Variants in ANK3 observed in about 807,000 individuals in gnomAD.
ANK3 encodes the protein ankyrin-3.
ANK3 carries 57 observed loss-of-function variants against 370.9 expected under a neutral mutation model. That is an observed-to-expected ratio of 0.15 (90% CI 0.12 to 0.19). The LOEUF (loss-of-function observed/expected upper bound fraction) is 0.19, where lower values mean the gene tolerates loss of function less well. Ranked by LOEUF, ANK3 falls within the 10% of genes least tolerant of loss-of-function variation. ANK3 has a pLI of 1.00. For synonymous variants in ANK3, 1,929 were observed against 1,946.3 expected, an observed-to-expected ratio of 0.99 and a Z score of 0.23; for missense variants, 4,439 against 5,302.1, an observed-to-expected ratio of 0.84 and a Z score of 5.06.
chr10:60,279,794 G>T (rs914294756), intron 1 of ANK3, among the ~76,000 whole-genome samples, 155 bp from the exon 2 acceptor site: 2 of 152,048 alleles, frequency 1.3e-5, no homozygotes, highest in African/African-American at 2.4e-5. Context: ...ACCAAGAAAA[G>T]GACACATTTT....
chr10:60,212,801 G>A (rs907871646), intron 9 of ANK3, among the ~76,000 whole-genome samples: 1 of 152,024 alleles, frequency 6.6e-6, no homozygotes, highest in African/African-American at 2.4e-5. Flanking sequence ...GTGACAATGA[G>A]GTGGTTTACA....
At chr10:60,655,007 C>A (rs2078844073) in intron 1 of ANK3, among the ~76,000 whole-genome samples, 2 of 152,230 alleles carry the variant, frequency 1.3e-5, no homozygotes, top group East Asian at 1.9e-4. Context: ...TAGTGCAACA[C>A]CTTACTCACA....
At chr10:60,202,006 T>G (rs1298929425) in intron 12 of ANK3, among the ~76,000 whole-genome samples, 1 of 152,066 alleles carries the variant, frequency 6.6e-6, no homozygotes, top group Non-Finnish European at 1.5e-5. Context: ...TGAGCCACCA[T>G]GCCCTGCTAA....
chr10:60,712,880 T>C (rs1186336304), intron 1 of ANK3, among the ~76,000 whole-genome samples: 3 of 152,190 alleles, frequency 2.0e-5, no homozygotes, highest in Admixed American at 6.5e-5. Flanking sequence ...CATTATATAA[T>C]GATAAAAAGA....
intron 2 of ANK3, among the ~76,000 whole-genome samples, chr10:60,396,187 T>C (rs2063235407): frequency 1.3e-5 from 2 of 152,190 alleles, no homozygotes; most frequent in Admixed American, 6.5e-5. Context: ...TAATTTTAGA[T>C]AGTAACAAGT....
intron 1 of ANK3, among the ~76,000 whole-genome samples, chr10:60,674,233 C>T (rs1262369602): frequency 1.3e-5 from 2 of 151,722 alleles, no homozygotes; most frequent in Admixed American, 6.6e-5. Context: ...ATAAATGTGT[C>T]GTATTAGTCT....
At position 60,073,606 on chromosome 10, in the gene ANK3, A is replaced by G; in HGVS notation, c.7275T>C (p.Ser2425=). ...AGTCATCAGATATGAGTTGAGCAGA[A>G]CTAGGGCGGCTATCTTCTTCTTGGG... is the stretch of plus-strand genomic sequence containing the variant. ...PVSQEEDSRP[S]SAQLISDDSY... The change falls in exon 37 of 44, where the codon AGT becomes AGC. Residue 2425 remains serine (S), a synonymous_variant. Transcript: ENST00000280772. 1.2e-6 allele frequency: 2 copies of G among 1,614,020 alleles called. No homozygotes were observed. The highest frequency in any genetic ancestry group is 1.7e-6 in the Non-Finnish European group (2 of 1,179,988).
intron 25 of ANK3, among the ~76,000 whole-genome samples, chr10:60,116,842 A>G (rs4948390): frequency 0.69 from 104,988 of 151,698 alleles, 37,035 homozygotes; most frequent in East Asian, 0.94. Context: ...TTCCAGAGCC[A>G]AAGACAGAGG....
At chr10:60,654,970 G>C (rs1014059767) in intron 1 of ANK3, among the ~76,000 whole-genome samples, 3 of 151,968 alleles carry the variant, frequency 2.0e-5, no homozygotes, top group Non-Finnish European at 4.4e-5. Context: ...CCTATATCCT[G>C]GTGACATCAT....
chr10:60,260,969 T>C (rs776171313), intron 7 of ANK3, among the ~76,000 whole-genome samples: 1 of 152,234 alleles, frequency 6.6e-6, no homozygotes, highest in Non-Finnish European at 1.5e-5. Context: ...CTGCTGTTAG[T>C]GATGATACTA....
At chr10:60,411,763 A>C (rs575729282) in intron 2 of ANK3, among the ~76,000 whole-genome samples, 3 of 152,356 alleles carry the variant, frequency 2.0e-5, no homozygotes, top group African/African-American at 7.2e-5. Context: ...CCTGTGCCTC[A>C]GTTTCCACAT....
intron 14 of ANK3, 82 bp from the exon 15 acceptor site, chr10:60,196,707 A>C: frequency 1.2e-6 from 1 of 855,340 alleles, no homozygotes; most frequent in Non-Finnish European, 1.8e-6. Context: ...CAAACAACAA[A>C]CAAACAAAAA....
chr10:60,084,774 A>G lies in ANK3; in HGVS notation c.3902T>C (p.Leu1301Pro), dbSNP rs758763291. The G allele has an allele frequency of 1.9e-6, 3 of 1,598,288 alleles. 1 individual carries two copies. The highest frequency in any genetic ancestry group is 2.6e-6 in the Non-Finnish European group (3 of 1,173,730). ...TGGAACACATATCAATTCTCTGTAC[A>G]GTTGCGTGGCTAACCCCACAGTTTC... Reference protein sequence around the residue: ...VLETVGLATQLYRELICVPYM... With the variant: ...VLETVGLATQPYRELICVPYM... Residue 1301 changes from leucine to proline, a missense_variant, in exon 32 of 44, where the codon CTG (leucine) becomes CCG (proline). Transcript: ENST00000280772.
chr10:60,710,802 C>A (rs2079693860), intron 1 of ANK3, among the ~76,000 whole-genome samples: 1 of 152,198 alleles, frequency 6.6e-6, no homozygotes, highest in Non-Finnish European at 1.5e-5. Context: ...GGCCAGAGAG[C>A]CACTGGTGCA....
intron 2 of ANK3, among the ~76,000 whole-genome samples, chr10:60,437,402 G>C (rs2064185319): frequency 6.6e-6 from 1 of 152,226 alleles, no homozygotes; most frequent in South Asian, 2.1e-4. Context: ...CCTTTAGCAT[G>C]TCCTTAACTC....
At chr10:60,154,230 G>A (rs2095253654) in intron 23 of ANK3, among the ~76,000 whole-genome samples, 1 of 152,324 alleles carries the variant, frequency 6.6e-6, no homozygotes, top group Middle Eastern at 3.4e-3. Context: ...TTCTGAAGCT[G>A]CTAAGAACAG....
At chr10:60,096,649 G>A (rs1352942048) in intron 28 of ANK3, among the ~76,000 whole-genome samples, 2 of 152,164 alleles carry the variant, frequency 1.3e-5, no homozygotes, top group African/African-American at 4.8e-5. Flanking sequence ...TAATGTCTTG[G>A]TAGACTCTCA....
At chr10:60,512,360 A>G (rs966793595) in intron 2 of ANK3, among the ~76,000 whole-genome samples, 2 of 152,168 alleles carry the variant, frequency 1.3e-5, no homozygotes, top group African/African-American at 4.8e-5. Flanking sequence ...TTTAAACTAA[A>G]GAATAAAGAA....
chr10:60,140,278 C>A, intron 23 of ANK3: 1 of 1,438,978 alleles, frequency 6.9e-7, no homozygotes, highest in Admixed American at 1.7e-5. Context: ...TAACTATTTA[C>A]GGCTGGGCTA....
Sources: gnomAD v4.1 joint callset for allele counts (sites outside exome capture counted in the v4.1 genomes callset) on GRCh38, gnomAD v4.1.1 for gene constraint, MANE v1.5 for transcripts, NCBI Gene and HGNC (gene_info 2026-07-23, HGNC 2026-07-21) for gene names.